The following KAZN variants were observed in gnomAD, a reference collection of about 807,000 sequenced individuals.
The protein encoded by KAZN is kazrin, periplakin interacting protein.
Under a neutral mutation model 87.4 loss-of-function variants are expected in KAZN, and 40 were observed. The observed-to-expected ratio is 0.46, with a 90% CI of 0.36 to 0.60. The LOEUF (loss-of-function observed/expected upper bound fraction) is 0.60. KAZN is among the 20% of genes least tolerant of loss of function. The pLI, the probability that KAZN is intolerant of heterozygous loss-of-function variation, is 0.00. For synonymous variants in KAZN, 466 were observed against 458.3 expected (o/e 1.02, Z -0.22); for missense variants, 898 against 1,073.9 (o/e 0.84, Z 2.29).
intron 1 of KAZN, among the ~76,000 whole-genome samples, chr1:14,026,780 C>A (rs1230653760): frequency 6.6e-6 from 1 of 152,190 alleles, no homozygotes; most frequent in Non-Finnish European, 1.5e-5. Context: ...CACAGCCCTG[C>A]TCTCAGGAAG....
chr1:14,084,413 G>A (rs911734699), intron 1 of KAZN, among the ~76,000 whole-genome samples: 2 of 152,144 alleles, frequency 1.3e-5, no homozygotes, highest in Admixed American at 1.3e-4. Flanking sequence ...TTTGGCACAT[G>A]CAACCTGACC....
chr1:13,920,448 C>T (rs971474005), intron 1 of KAZN, among the ~76,000 whole-genome samples: 10 of 152,082 alleles, frequency 6.6e-5, no homozygotes, highest in East Asian at 1.9e-4. Context: ...AGTCCTCCAG[C>T]TTTGCTTCGA....
rs1413300756 is a variant in KAZN at position 15,048,727 on chromosome 1, G to A, written c.726+4568G>A. Among the ~76,000 whole-genome samples the A allele has an allele frequency of 7.4e-4, 107 of 143,698 alleles. 2 individuals carry two copies. Among genetic ancestry groups the A allele is most frequent in the African/African-American group, 1.0e-3 (37 of 36,274 alleles). 94.3% of individuals were successfully genotyped at this position (143,698 alleles called of 152,430 possible). A position where few individuals can be genotyped will look rare whatever the true frequency, so the allele number is the denominator to read the frequency against. On this transcript the variant is annotated intron_variant, in intron 4 of 14. Transcript: ENST00000376030. ...CTTGGTCGTTGGTCCTGGGTCGTTG[G>A]TCATGGGTCGTCGATCCTGGGTCGT...
intron 1 of KAZN, among the ~76,000 whole-genome samples, chr1:14,713,238 C>T (rs1371650520): frequency 8.1e-6 from 1 of 123,758 alleles, no homozygotes; most frequent in African/African-American, 2.7e-5. Context: ...CTTAATTGCA[C>T]AAGCGCTTTT....
At chr1:14,150,490 A>G (rs545982085) in intron 1 of KAZN, among the ~76,000 whole-genome samples, 8 of 152,248 alleles carry the variant, frequency 5.3e-5, no homozygotes, top group Non-Finnish European at 1.0e-4. Flanking sequence ...TCATTGTGCC[A>G]TCGAAATCTG....
At chr1:13,905,693 A>G (rs542288977) in intron 1 of KAZN, among the ~76,000 whole-genome samples, 1 of 152,152 alleles carries the variant, frequency 6.6e-6, no homozygotes, top group Non-Finnish European at 1.5e-5. Flanking sequence ...TCTAGCATTC[A>G]TTTTACAAGA....
chr1:13,982,117 G>A (rs530673221), intron 1 of KAZN, among the ~76,000 whole-genome samples: 25 of 152,310 alleles, frequency 1.6e-4, no homozygotes, highest in African/African-American at 6.0e-4. Flanking sequence ...GGCCTAGAGG[G>A]ACTCCAGTCC....
At chr1:14,443,722 T>G (rs544591882) in intron 2 of KAZN, among the ~76,000 whole-genome samples, 20 of 152,318 alleles carry the variant, frequency 1.3e-4, no homozygotes, top group Non-Finnish European at 2.2e-4. Context: ...TGTGGAGGCA[T>G]TAAAGGTGCA....
At chr1:14,689,547 G>A (rs1240324010) in intron 1 of KAZN, among the ~76,000 whole-genome samples, 2 of 152,234 alleles carry the variant, frequency 1.3e-5, no homozygotes, top group Non-Finnish European at 2.9e-5. Flanking sequence ...TGAAGTGTAA[G>A]AGAATTGGTC....
At chr1:15,065,316 C>A (rs896245707) in intron 7 of KAZN, among the ~76,000 whole-genome samples, 9 of 152,190 alleles carry the variant, frequency 5.9e-5, no homozygotes, top group African/African-American at 1.9e-4. Context: ...GTGTGAGCCA[C>A]CGTGCCTGGC....
intron 1 of KAZN, among the ~76,000 whole-genome samples, chr1:14,119,859 T>C (rs1644712272): frequency 6.6e-6 from 1 of 152,118 alleles, no homozygotes; most frequent in Non-Finnish European, 1.5e-5. Context: ...ACAATAATAA[T>C]TGTTAACATT....
chr1:15,048,199 T>A (rs1431929991), intron 4 of KAZN, among the ~76,000 whole-genome samples: 1 of 152,202 alleles, frequency 6.6e-6, no homozygotes, highest in African/African-American at 2.4e-5. Flanking sequence ...CTTCGCTGCT[T>A]CACTTGGGGA....
intron 2 of KAZN, among the ~76,000 whole-genome samples, chr1:14,251,215 G>A (rs1329560046): frequency 6.6e-6 from 1 of 152,168 alleles, no homozygotes; most frequent in East Asian, 1.9e-4. Context: ...AGGATCATCT[G>A]TTTACCCACT....
chr1:14,015,928 C>A (rs967168896), intron 1 of KAZN, among the ~76,000 whole-genome samples: 1 of 151,970 alleles, frequency 6.6e-6, no homozygotes, highest in Non-Finnish European at 1.5e-5. Context: ...ACAACCTTTT[C>A]ACTGCACTGG....
At chr1:14,168,307 CTGTT>C (rs1314657120) in intron 1 of KAZN, among the ~76,000 whole-genome samples, 1 of 152,112 alleles carries the variant, frequency 6.6e-6, no homozygotes, top group Non-Finnish European at 1.5e-5. Flanking sequence ...AAAAGTGAAG[CTGTT>C]TGGAATGCCC....
intron 2 of KAZN, among the ~76,000 whole-genome samples, chr1:14,361,601 C>G (rs1436029922): frequency 6.6e-6 from 1 of 152,258 alleles, no homozygotes; most frequent in Non-Finnish European, 1.5e-5. Context: ...ATCTCCTGGT[C>G]TGTGGGTTGT....
intron 2 of KAZN, among the ~76,000 whole-genome samples, chr1:14,239,702 C>G (rs1648768162): frequency 6.6e-6 from 1 of 151,880 alleles, no homozygotes; most frequent in African/African-American, 2.4e-5. Flanking sequence ...TCAGGTGATC[C>G]ATGTGTCTCA....
intron 1 of KAZN, among the ~76,000 whole-genome samples, chr1:14,053,778 T>A (rs1299525888): frequency 6.6e-6 from 1 of 152,224 alleles, no homozygotes; most frequent in African/African-American, 2.4e-5. Flanking sequence ...CAGTCAGACA[T>A]CCATGCATAA....
intron 1 of KAZN, among the ~76,000 whole-genome samples, chr1:14,676,338 A>G (rs2148748934): frequency 6.6e-6 from 1 of 152,316 alleles, no homozygotes; most frequent in Non-Finnish European, 1.5e-5. Context: ...ACCCAGAGAC[A>G]TTGAGCTTGA....
Sources: allele counts gnomAD v4.1 joint callset (sites outside exome capture counted in the v4.1 genomes callset), GRCh38; gene constraint gnomAD v4.1.1; transcripts MANE v1.5; gene names NCBI Gene and HGNC (gene_info 2026-07-23, HGNC 2026-07-21).